The following SUMF1 variants were observed in gnomAD, a reference collection of about 807,000 sequenced individuals.
The protein encoded by SUMF1 is formylglycine-generating enzyme.
Under a neutral mutation model 47.6 loss-of-function variants are expected in SUMF1, and 48 were observed. The observed-to-expected ratio is 1.01, with a 90% CI of 0.80 to 1.28. The LOEUF is 1.28. SUMF1 is among the 50% of genes most tolerant of loss of function. The probability of loss-of-function intolerance (pLI) is 0.00; values close to 1 mark genes in which losing one functional copy is unlikely to be tolerated. For synonymous variants in SUMF1, 230 were observed against 192.1 expected (o/e 1.20, Z -1.63); for missense variants, 571 against 485.4 (o/e 1.18, Z -1.66).
chr3:4,303,337 T>A lies in SUMF1; in HGVS notation c.1014+72993A>T, dbSNP rs375689481. The A allele has an allele frequency of 9.2e-6, 14 of 1,514,166 alleles. No individual in the cohort carries two copies. In the African/African-American group the frequency reaches 2.0e-4, roughly 22 times the overall value. 93.8% of individuals were successfully genotyped at this position (1,514,166 alleles called of 1,614,324 possible). On this transcript the variant is annotated intron_variant and NMD_transcript_variant, in intron 8 of 12. Transcript: ENST00000448413. ...CAGCATCCACCGCGCGGCCCAGGAC[T>A]GTCAGGGTAGTGGGCGTTGCGTGAG...
intron 8 of SUMF1, among the ~76,000 whole-genome samples, chr3:4,093,709 A>C (rs1354571713): frequency 1.3e-5 from 2 of 152,162 alleles, no homozygotes; most frequent in Non-Finnish European, 2.9e-5. Flanking sequence ...AGGAAAAAAC[A>C]GATTTGAATT....
rs189132451 is a variant in SUMF1, at chr3:4,239,015, C to T, written c.1014+137315G>A. Among the ~76,000 whole-genome samples, 3 of 152,188 alleles carry T rather than the reference C, an allele frequency of 2.0e-5. No individual in the cohort carries two copies. In the East Asian group the frequency reaches 5.8e-4, roughly 29 times the overall value. ...TATGGCTAGCCAGCTTTCCCAACAC[C>T]ATTTATTAAATAGGGAATCCTTTCC... On this transcript the variant is annotated intron_variant and NMD_transcript_variant, in intron 8 of 12. Transcript: ENST00000448413.
At chr3:4,176,147 A>C (rs1454206152) in intron 8 of SUMF1, among the ~76,000 whole-genome samples, 1 of 152,196 alleles carries the variant, frequency 6.6e-6, no homozygotes, top group Admixed American at 6.5e-5. Context: ...TTCCCAACCT[A>C]AGAAGACAGG....
intron 8 of SUMF1, among the ~76,000 whole-genome samples, chr3:4,199,759 T>C (rs1467453993): frequency 6.6e-6 from 1 of 152,140 alleles, no homozygotes; most frequent in East Asian, 1.9e-4. Context: ...TTATTTGCTA[T>C]TTATTGATCT....
At chr3:4,376,888 T>C (rs901352870) in intron 7 of SUMF1, among the ~76,000 whole-genome samples, 21 of 152,260 alleles carry the variant, frequency 1.4e-4, no homozygotes, top group African/African-American at 5.1e-4. Context: ...CTTGACCACC[T>C]GGGCTCAAGC....
chr3:4,040,117 G>A (rs1343421098), intron 9 of SUMF1, among the ~76,000 whole-genome samples: 1 of 152,146 alleles, frequency 6.6e-6, no homozygotes, highest in Non-Finnish European at 1.5e-5. Context: ...TAAGGTGATA[G>A]ATATGTTGAT....
At chr3:4,369,310 T>C (rs1367466491) in intron 8 of SUMF1, among the ~76,000 whole-genome samples, 1 of 152,186 alleles carries the variant, frequency 6.6e-6, no homozygotes, top group Non-Finnish European at 1.5e-5. Flanking sequence ...AAATAATTGA[T>C]AAATTGATGG....
intron 8 of SUMF1, among the ~76,000 whole-genome samples, chr3:4,296,246 T>C (rs979657535): frequency 1.3e-5 from 2 of 151,688 alleles, no homozygotes; most frequent in Admixed American, 6.6e-5. Context: ...TATAAAATTC[T>C]ATTAATATTA....
intron 3 of SUMF1, among the ~76,000 whole-genome samples, chr3:4,438,327 C>T (rs1225740824): frequency 3.3e-5 from 5 of 152,106 alleles, no homozygotes; most frequent in African/African-American, 7.2e-5. Context: ...TCTAATGAGG[C>T]TCCTCTGAAC....
chr3:4,212,845 G>C (rs1470668870), intron 8 of SUMF1, among the ~76,000 whole-genome samples: 1 of 152,120 alleles, frequency 6.6e-6, no homozygotes, highest in African/African-American at 2.4e-5. Flanking sequence ...AATAAAGCGA[G>C]AAGACAAAAT....
intron 8 of SUMF1, among the ~76,000 whole-genome samples, chr3:4,366,898 G>A (rs1175355521): frequency 1.3e-5 from 2 of 152,288 alleles, no homozygotes; most frequent in East Asian, 3.9e-4. Flanking sequence ...GGTTTTTGGT[G>A]TGGACGTCCT....
intron 8 of SUMF1, among the ~76,000 whole-genome samples, chr3:4,248,095 T>C (rs1192305402): frequency 6.6e-6 from 1 of 152,226 alleles, no homozygotes; most frequent in Non-Finnish European, 1.5e-5. Flanking sequence ...ATTAATTTAA[T>C]GGGATAATAT....
intron 8 of SUMF1, among the ~76,000 whole-genome samples, chr3:4,336,372 T>C (rs780274365): frequency 4.6e-5 from 7 of 152,168 alleles, no homozygotes; most frequent in Non-Finnish European, 7.4e-5. Context: ...GAAGAGTCCA[T>C]TGTGTATTGT....
At chr3:4,408,343 A>G (rs1194172684) in intron 7 of SUMF1, among the ~76,000 whole-genome samples, 4 of 152,258 alleles carry the variant, frequency 2.6e-5, no homozygotes, top group Non-Finnish European at 5.9e-5. Context: ...TTTGGCTAAA[A>G]GAGAAAGTAA....
chr3:4,313,753 A>G lies in SUMF1; in HGVS notation c.1014+62577T>C. 5 of 1,613,954 alleles carry G rather than the reference A, an allele frequency of 3.1e-6. No individual in the cohort carries two copies. Among genetic ancestry groups the G allele is most frequent in the Non-Finnish European group, 4.2e-6 (5 of 1,179,926 alleles). On this transcript the variant is annotated intron_variant and NMD_transcript_variant, in intron 8 of 12. Transcript: ENST00000448413. ...TGTGTTCCCCTCCTGCAAGCGATTG[A>G]CCCTTGAGGTGAGTCTGTTCAGTGA...
At chr3:4,347,470 T>C (rs1468259452) in intron 8 of SUMF1, among the ~76,000 whole-genome samples, 1 of 152,148 alleles carries the variant, frequency 6.6e-6, no homozygotes, top group African/African-American at 2.4e-5. Flanking sequence ...AGGCCTTTGA[T>C]AAAATTCAAC....
chr3:4,415,277 G>A (rs1015224092), intron 6 of SUMF1, among the ~76,000 whole-genome samples: 2 of 150,368 alleles, frequency 1.3e-5, no homozygotes, highest in African/African-American at 2.5e-5. Context: ...TGATTATCAC[G>A]GTCTTGTCCA....
chr3:4,254,011 C>G (rs1696880174), intron 8 of SUMF1, among the ~76,000 whole-genome samples: 1 of 150,838 alleles, frequency 6.6e-6, no homozygotes, highest in African/African-American at 2.4e-5. Context: ...ACACTGACAC[C>G]ACACACAGCA....
intron 7 of SUMF1, among the ~76,000 whole-genome samples, chr3:4,403,227 C>T (rs572268452): frequency 6.6e-6 from 1 of 152,316 alleles, no homozygotes; most frequent in East Asian, 1.9e-4. Context: ...CAGGGTCACA[C>T]ATCTGGGAAG....
Sources: allele counts gnomAD v4.1 joint callset (sites outside exome capture counted in the v4.1 genomes callset), GRCh38; gene constraint gnomAD v4.1.1; transcripts MANE v1.5; gene names NCBI Gene and HGNC (gene_info 2026-07-23, HGNC 2026-07-21).